The following OPLAH variants were observed in gnomAD, a reference collection of about 807,000 sequenced individuals.
The protein encoded by OPLAH is 5-oxoprolinase, ATP-hydrolysing, also known as 5-oxoprolinase.
In OPLAH, 103 loss-of-function variants were observed where a neutral mutation model predicts 122.8. The ratio of observed to expected loss-of-function variants is 0.84; its 90% CI spans 0.71 to 0.99. The LOEUF (loss-of-function observed/expected upper bound fraction) is 0.99, where lower values mean the gene tolerates loss of function less well. OPLAH is among the 50% of genes least tolerant of loss of function. The probability of loss-of-function intolerance (pLI) is 0.00; values close to 1 mark genes in which losing one functional copy is unlikely to be tolerated. For synonymous variants in OPLAH, 875 were observed against 796.0 expected (o/e 1.10, Z -1.67); for missense variants, 1,902 against 1,836.5 (o/e 1.04, Z -0.65).
At position 144,053,040 on chromosome 8, in the gene OPLAH, T is replaced by C; in HGVS notation, c.2961A>G (p.Glu987=). The C allele has an allele frequency of 6.2e-7, 1 of 1,603,390 alleles. No individual in the cohort carries two copies. The highest frequency in any genetic ancestry group is 2.3e-5 in the East Asian group (1 of 44,338). ...TGGGGGAACCGTCGTCCATGTGGTC[T>C]TCCGAGGACACCTCCAGGGGCAGGC... ...ARGLPLEVSS[E]DHMDDGSPIR... The change falls in exon 21 of 27, where the codon GAA becomes GAG. Residue 987 remains glutamate (E), a synonymous_variant. Transcript: ENST00000618853.
At chr8:144,054,978 G>C (rs1232678616) in intron 17 of OPLAH, 51 bp downstream of exon 17, 4 of 1,057,892 alleles carry the variant, frequency 3.8e-6, no homozygotes, top group Non-Finnish European at 5.3e-6. Context: ...GGTGGGGGGG[G>C]GGTGGAGGGT....
At chr8:144,056,844 C>G (rs1835529103) in intron 12 of OPLAH, 89 bp from the exon 13 acceptor site, 1 of 1,516,176 alleles carries the variant, frequency 6.6e-7, no homozygotes, top group African/African-American at 1.4e-5. Context: ...TGTTCTGCTT[C>G]TCGCACACCC....
At position 144,051,293 on chromosome 8, in the gene OPLAH, C is replaced by G. The variant is rs781991509; in HGVS notation, c.*33G>C. On this transcript the variant is annotated 3_prime_UTR_variant, in exon 27 of 27. Transcript: ENST00000618853. Reference sequence around the variant, plus strand: ...GGCGCCGTAGCTGCGTCCCCAGAACCGGGAGACTTAAGGCATCTTTATTGC... The same window carrying G: ...GGCGCCGTAGCTGCGTCCCCAGAACGGGGAGACTTAAGGCATCTTTATTGC... The G allele has an allele frequency of 1.5e-5, 24 of 1,608,494 alleles. No homozygotes were observed. Among genetic ancestry groups the G allele is most frequent in the Admixed American group, 1.0e-4 (6 of 59,162 alleles).
chr8:144,050,683 C>A, downstream of OPLAH: 2 of 985,420 alleles, frequency 2.0e-6, no homozygotes, highest in Non-Finnish European at 2.4e-6. Context: ...CCAAGAGCAG[C>A]CCTGGGCCCT....
intron 19 of OPLAH, among the ~76,000 whole-genome samples, 159 bp from the exon 20 acceptor site, chr8:144,053,552 C>G (rs1243066121): frequency 6.6e-6 from 1 of 152,116 alleles, no homozygotes; most frequent in Non-Finnish European, 1.5e-5. Context: ...TTGAGCCTGG[C>G]TCAGGGTCCC....
chr8:144,054,970 T>TGGGGGGGGGGGG, intron 17 of OPLAH, 57 bp from the exon 18 acceptor site: 2 of 306,188 alleles, frequency 6.5e-6, no homozygotes, highest in South Asian at 1.2e-4. Flanking sequence ...CAGAGCGGGG[T>TGGGGGGGGGGGG]GGGGGGGGGG....
Position 144,056,687 on chromosome 8 carries a change from G to A in OPLAH, c.1775C>T (p.Ser592Phe), listed in dbSNP as rs1345473638. 1 of 1,611,608 alleles carries A rather than the reference G, an allele frequency of 6.2e-7. No individual in the cohort carries two copies. The highest frequency in any genetic ancestry group is 2.2e-5 in the East Asian group (1 of 44,878). Residue 592 changes from serine to phenylalanine, a missense_variant, in exon 13 of 27, where the codon TCT becomes TTT. Physicochemically the swap from Ser to Phe is radical, Grantham distance 155 (BLOSUM62 -2). Transcript: ENST00000618853. ...YQGTDCALMV[S>F]AHQHPATARS... ...GGCTGTGGCTGGGTGCTGGTGGGCA[G>A]ACACCATCAGAGCACAGTCCGTGCC...
Position 144,058,304 on chromosome 8 carries a change from A to G in OPLAH, c.884T>C (p.Val295Ala). The change falls in exon 7 of 27, where the codon GTG becomes GCG. Residue 295 changes from valine (V) to alanine (A), a missense_variant. Val to Ala is a moderately conservative substitution (Grantham distance 64). This residue lies in a region of OPLAH where 1,726 missense variants were observed against 1,642.1 expected (regional missense o/e 1.05). Transcript: ENST00000618853. The part of the protein sequence containing the change: ...AVLSGPAGGV[V>A]GYSATTYQQE... ...CTGGTAGGTGGTGGCTGAGTAGCCC[A>G]CCACGCCGCCGGCCGGGCCCGAGAG... is the stretch of plus-strand genomic sequence containing the variant. 1 of 1,607,716 alleles carries G rather than the reference A, an allele frequency of 6.2e-7. No homozygotes were observed. Among genetic ancestry groups the G allele is most frequent in the Non-Finnish European group, 8.5e-7 (1 of 1,178,488 alleles).
intron 19 of OPLAH, among the ~76,000 whole-genome samples, chr8:144,053,597 CTGTGCA>C (rs1835442133): frequency 6.6e-6 from 1 of 152,108 alleles, no homozygotes; most frequent in Non-Finnish European, 1.5e-5. Context: ...TGCAGTGTGC[CTGTGCA>C]TGTCCCTCTG....
At chr8:144,050,775 C>A (rs924468269), downstream of OPLAH, 2 of 986,624 alleles carry the variant, frequency 2.0e-6, no homozygotes, top group African/African-American at 3.5e-5. Context: ...GCTGATGCCG[C>A]CCTCCCCCGG....
chr8:144,057,602 G>A lies in OPLAH; in HGVS notation c.1268C>T (p.Ser423Phe), dbSNP rs782637342. Reference sequence around the variant, plus strand: ...GGCCACAGCCTCCAGGGCTTTGCGGGAGGCCTCAGGGGAAAGTGGTTGGTT... The same window carrying A: ...GGCCACAGCCTCCAGGGCTTTGCGGAAGGCCTCAGGGGAAAGTGGTTGGTT... ...GENQPLSPEA[S>F]RKALEAVATE... is the part of the protein sequence containing the mutation. The change falls in exon 10 of 27, where the codon TCC becomes TTC. Residue 423 changes from serine to phenylalanine, a missense_variant. Physicochemically the swap from Ser to Phe is radical, Grantham distance 155. Around this residue, in one of 3 missense-constraint regions of OPLAH, gnomAD observed 1,726 missense variants for 1,642.1 expected, o/e 1.05. Transcript: ENST00000618853. 1.3e-6 allele frequency: 2 copies of A among 1,587,346 alleles called. No individual in the cohort carries two copies. Among genetic ancestry groups the A allele is most frequent in the East Asian group, 4.5e-5 (2 of 44,566 alleles).
chr8:144,057,701 G>C lies in OPLAH; in HGVS notation c.1169C>G (p.Thr390Arg). Residue 390 changes from threonine to arginine, a missense_variant, in exon 10 of 27, where the codon ACA becomes AGA. Physicochemically the swap from Thr to Arg is moderately conservative, Grantham distance 71. Coordinates refer to ENST00000618853, the MANE Select transcript of OPLAH (RefSeq NM_017570.5). ...CAGGACCAGATTAGCATCCGTCACT[G>C]TCACAGGGCCCCCTGGGAGGTGGAC... ...PACYRKGGPV[T>R]VTDANLVLGR... is the part of the protein sequence containing the mutation. 6.2e-7 allele frequency: 1 copy of C among 1,609,138 alleles called. No homozygotes were observed. Among genetic ancestry groups the C allele is most frequent in the Non-Finnish European group, 8.5e-7 (1 of 1,177,896 alleles).
At position 144,051,947 on chromosome 8, in the gene OPLAH, C is replaced by T. The variant is rs1554757769; in HGVS notation, c.3591G>A (p.Glu1197=). 1 of 1,552,240 alleles carries T rather than the reference C, an allele frequency of 6.4e-7. No homozygotes were observed. ...REEALLSVLT[E]RRAFRPYGLH... is the part of the protein sequence containing the mutation. The stretch of plus-strand genomic sequence containing the variant: ...GCCCGTATGGCCGGAAGGCGCGGCG[C>T]TCGGTCAGCACTGACAGCAGCGCCT... The change falls in exon 25 of 27, where the codon GAG becomes GAA. Residue 1197 remains glutamate (E), a synonymous_variant. Transcript: ENST00000618853.
Position 144,052,038 on chromosome 8 carries a change from C to T in OPLAH, c.3500G>A (p.Gly1167Asp). 1 of 1,590,052 alleles carries T rather than the reference C, an allele frequency of 6.3e-7. No individual in the cohort carries two copies. The highest frequency in any genetic ancestry group is 8.5e-7 in the Non-Finnish European group (1 of 1,176,328). Residue 1167 changes from glycine (G) to aspartate (D), a missense_variant, in exon 25 of 27, where the codon GGC becomes GAC. Physicochemically the swap from Gly to Asp is moderately conservative, Grantham distance 94. Transcript: ENST00000618853. Reference protein sequence around the residue: ...VILRRFELRRGSGGRGRFRGG... With the variant: ...VILRRFELRRDSGGRGRFRGG... ...TCGGAAGCGGCCTCTGCCCCCCGAG[C>T]CCCGCCGCAGCTCGAAGCGGCGCAG...
Position 144,054,552 on chromosome 8 carries a change from C to A in OPLAH, c.2686+9G>T. 1 of 1,568,798 alleles carries A rather than the reference C, an allele frequency of 6.4e-7. No homozygotes were observed. Among genetic ancestry groups the A allele is most frequent in the East Asian group, 2.3e-5 (1 of 44,140 alleles). Reference sequence around the variant, plus strand: ...TACAGAAGGCCTGCCCCACCCCACTCCCACTCACCCTCCTCCTGGAAGACG... The same window carrying A: ...TACAGAAGGCCTGCCCCACCCCACTACCACTCACCCTCCTCCTGGAAGACG... On this transcript the variant is annotated intron_variant, in intron 19 of 26. Coordinates refer to ENST00000618853, the MANE Select transcript of OPLAH (RefSeq NM_017570.5).
At chr8:144,051,546 C>T in intron 26 of OPLAH, 74 bp from the exon 27 acceptor site, 2 of 1,277,010 alleles carry the variant, frequency 1.6e-6, no homozygotes, top group Non-Finnish European at 2.1e-6. Context: ...GCGCAGTCCC[C>T]TCCCCACCGG....
At chr8:144,054,267 A>G (rs549273564) in intron 19 of OPLAH, among the ~76,000 whole-genome samples, 1 of 152,048 alleles carries the variant, frequency 6.6e-6, no homozygotes, top group South Asian at 2.1e-4. Context: ...CACCACAAGC[A>G]GCCACCCACC....
rs782467497 is a variant in OPLAH at position 144,055,969 on chromosome 8, TG to T, written c.2097-31del. 4.6e-6 allele frequency: 7 copies of T among 1,535,382 alleles called. No individual in the cohort carries two copies. In the African/African-American group the frequency reaches 6.8e-5, roughly 15 times the overall value. Reference sequence around the variant, plus strand: ...GGAGCAGAGGGCACAGAGGGCTGCATGGGGCCAGGCGACACCCCTCCAACCA... The same window carrying T: ...GGAGCAGAGGGCACAGAGGGCTGCATGGGCCAGGCGACACCCCTCCAACCA... On this transcript the variant is annotated intron_variant, in intron 15 of 26. Coordinates refer to ENST00000618853, the MANE Select transcript of OPLAH (RefSeq NM_017570.5). This position sits in a 1 kb window ranked among gnomAD's most constrained non-coding sequence, Gnocchi z 6.5.
At position 144,054,869 on chromosome 8, in the gene OPLAH, C is replaced by A. The variant is rs782187472; in HGVS notation, c.2454G>T (p.Leu818=). ...TGCCCCCGGCACTGGGATGGTTGCTCAGTAGCACGTCGCCAGGGTGGAGAT... is the reference window on the plus strand; with the variant it reads ...TGCCCCCGGCACTGGGATGGTTGCTAAGTAGCACGTCGCCAGGGTGGAGAT... ...GADLHPGDVL[L]SNHPSAGGSH... Residue 818 remains leucine, a synonymous_variant, in exon 18 of 27, where the codon CTG becomes CTT. Transcript: ENST00000618853. 2.5e-6 allele frequency: 4 copies of A among 1,611,284 alleles called. No individual in the cohort carries two copies. In the Admixed American group the frequency reaches 6.7e-5, roughly 27 times the overall value.
Sources: gnomAD v4.1 joint callset for allele counts (sites outside exome capture counted in the v4.1 genomes callset) on GRCh38, gnomAD v4.1.1 for gene constraint, gnomAD v4.1.1 regional missense constraint, Gnocchi (gnomAD v3.1) non-coding constraint, MANE v1.5 for transcripts, NCBI Gene and HGNC (gene_info 2026-07-23, HGNC 2026-07-21) for gene names.